Variants in UPF2 observed in about 807,000 individuals in gnomAD.
The protein encoded by UPF2 is UPF2 regulator of nonsense mediated mRNA decay.
A neutral mutation model predicts 141.4 loss-of-function variants in UPF2; 17 were observed. The observed-to-expected ratio is 0.12, with a 90% CI of 0.08 to 0.18. The LOEUF (loss-of-function observed/expected upper bound fraction) is 0.18, where lower values mean the gene tolerates loss of function less well. UPF2 is among the 10% of genes least tolerant of loss of function. UPF2 has a pLI of 1.00. For missense variants in UPF2, 1,152 were observed against 1,515.9 expected (o/e 0.76, Z 3.99); for synonymous variants, 540 against 498.0 (o/e 1.08, Z -1.12).
At chr10:11,993,936 CT>C (rs1833824176) in intron 8 of UPF2, among the ~76,000 whole-genome samples, 1 of 152,054 alleles carries the variant, frequency 6.6e-6, no homozygotes. Context: ...CTGCAGTGAG[CT>C]GTAATCTCAC....
Position 11,940,501 on chromosome 10 carries a change from G to A in UPF2, c.3378+2164C>T, listed in dbSNP as rs940384528. ...ACATTTCCACTTGGACACCTCAAAG[G>A]CTTCTCAAGTGGACACGGCCAAAGG... On this transcript the variant is annotated intron_variant, in intron 18 of 21. Coordinates refer to ENST00000357604, the MANE Select transcript of UPF2 (RefSeq NM_015542.4). This position sits in a 1 kb window ranked among gnomAD's most constrained non-coding sequence, Gnocchi z 4.2. Among the ~76,000 whole-genome samples the A allele has an allele frequency of 2.6e-5, 4 of 152,004 alleles. No individual in the cohort carries two copies. Among genetic ancestry groups the A allele is most frequent in the Non-Finnish European group, 5.9e-5 (4 of 67,994 alleles).
chr10:11,948,325 CTT>C, intron 16 of UPF2, 42 bp downstream of exon 16: 1 of 1,502,658 alleles, frequency 6.7e-7, no homozygotes. Context: ...TCAAAATACT[CTT>C]ATACAAATGT....
At position 11,955,549 on chromosome 10, in the gene UPF2, A is replaced by G. The variant is rs776220730; in HGVS notation, c.2575-42T>C. 1.6e-5 allele frequency: 25 copies of G among 1,552,592 alleles called. No individual in the cohort carries two copies. The Admixed American group carries it at 4.9e-4, about 30-fold the overall frequency. ...CCACAGATTTTCATTAAAGAGGAGT[A>G]GTGTATATGAAAACAGGTTAAACTT... On this transcript the variant is annotated intron_variant, in intron 13 of 21. Coordinates refer to ENST00000357604, the MANE Select transcript of UPF2 (RefSeq NM_015542.4).
At chr10:11,974,323 A>G (rs1273318107) in intron 9 of UPF2, among the ~76,000 whole-genome samples, 1 of 152,192 alleles carries the variant, frequency 6.6e-6, no homozygotes, top group Non-Finnish European at 1.5e-5. Flanking sequence ...TCATCTGCAA[A>G]CAGGGACAAT....
intron 8 of UPF2, among the ~76,000 whole-genome samples, chr10:11,996,353 CT>C (rs11339849): frequency 0.86 from 122,790 of 142,110 alleles, 52,915 homozygotes; most frequent in East Asian, 0.99. Flanking sequence ...TTCATTCAAC[CT>C]TTTTTTTTTT....
intron 16 of UPF2, among the ~76,000 whole-genome samples, chr10:11,947,786 C>CAAAAAAAA (rs58897556): frequency 1.5e-3 from 99 of 65,600 alleles, no homozygotes; most frequent in African/African-American, 5.4e-3. Context: ...AACCTTGTCT[C>CAAAAAAAA]AAAAAAAAAA....
At position 11,955,477 on chromosome 10, in the gene UPF2, T is replaced by A; in HGVS notation, c.2605A>T (p.Ile869Phe). 5 of 1,613,196 alleles carry A rather than the reference T, an allele frequency of 3.1e-6. No individual in the cohort carries two copies. The highest frequency in any genetic ancestry group is 4.2e-6 in the Non-Finnish European group (5 of 1,179,700). ...VNQPKFNQRR[I>F]SSAKFLGELY... ...TCTCCTAAGAACTTGGCACTGCTGA[T>A]GCGCCTCTGATTAAATTTAGGTTGA... The change falls in exon 14 of 22, where the codon ATC becomes TTC. Residue 869 changes from isoleucine (I) to phenylalanine (F), a missense_variant. Coordinates refer to ENST00000357604, the MANE Select transcript of UPF2 (RefSeq NM_015542.4).
chr10:11,993,348 T>A (rs1833812737), intron 8 of UPF2, among the ~76,000 whole-genome samples: 1 of 152,048 alleles, frequency 6.6e-6, no homozygotes, highest in South Asian at 2.1e-4. Flanking sequence ...TCCTAGTAGC[T>A]ATTAGGAGAA....
chr10:11,948,993 A>C (rs952778777), intron 15 of UPF2, among the ~76,000 whole-genome samples: 1 of 152,200 alleles, frequency 6.6e-6, no homozygotes, highest in Non-Finnish European at 1.5e-5. Context: ...TATGCAAATT[A>C]AGACGGGGGA....
At chr10:11,986,988 A>G (rs1833702782) in intron 8 of UPF2, among the ~76,000 whole-genome samples, 1 of 152,248 alleles carries the variant, frequency 6.6e-6, no homozygotes, top group Non-Finnish European at 1.5e-5. Flanking sequence ...GAATCTAAAG[A>G]GCCAACACTT....
At chr10:11,950,956 A>G (rs1423465244) in intron 15 of UPF2, among the ~76,000 whole-genome samples, 1 of 152,258 alleles carries the variant, frequency 6.6e-6, no homozygotes, top group Non-Finnish European at 1.5e-5. Context: ...TATAATTTGC[A>G]TAACTGGCGA....
intron 2 of UPF2, among the ~76,000 whole-genome samples, chr10:12,030,986 A>G (rs1834510838): frequency 6.6e-6 from 1 of 151,876 alleles, no homozygotes; most frequent in African/African-American, 2.4e-5. Context: ...CATCTTGGCT[A>G]ACACAGTGAA....
rs1832646696 is a variant in UPF2, at chr10:11,921,678, G to A, written c.3810-371C>T. Among the ~76,000 whole-genome samples, 1 of 152,082 alleles carries A rather than the reference G, an allele frequency of 6.6e-6. No homozygotes were observed. The highest frequency in any genetic ancestry group is 6.6e-5 in the Admixed American group (1 of 15,252). Reference sequence around the variant, plus strand: ...GTCTGTGCATTTTGGTGTCTGAGGGGATCCAGGAAGCAACCCCCTGTGGAT... The same window carrying A: ...GTCTGTGCATTTTGGTGTCTGAGGGAATCCAGGAAGCAACCCCCTGTGGAT... On this transcript the variant is annotated intron_variant, in intron 21 of 21. Coordinates refer to ENST00000357604, the MANE Select transcript of UPF2 (RefSeq NM_015542.4). The surrounding 1 kb of genome is among the most constrained non-coding windows in gnomAD (Gnocchi z 5.9).
intron 16 of UPF2, 60 bp from the exon 17 acceptor site, chr10:11,943,228 T>C (rs1027086438): frequency 7.5e-7 from 1 of 1,328,430 alleles, no homozygotes; most frequent in Non-Finnish European, 1.1e-6. Context: ...ATATTTTACA[T>C]GCCTTAAAAA....
rs1006215832 is a variant in UPF2, at chr10:11,939,086, G to C, written c.3379-2374C>G. 6.6e-6 allele frequency among the ~76,000 whole-genome samples: 1 copy of C among 151,618 alleles called. No homozygotes were observed. The highest frequency in any genetic ancestry group is 2.4e-5 in the African/African-American group (1 of 41,230). Reference sequence around the variant, plus strand: ...GGGGTTTCACCGTGTTAGCTAGGAGGGTCTCGATCTCCTGACCTCGTGATC... The same window carrying C: ...GGGGTTTCACCGTGTTAGCTAGGAGCGTCTCGATCTCCTGACCTCGTGATC... On this transcript the variant is annotated intron_variant, in intron 18 of 21. Coordinates refer to ENST00000357604, the MANE Select transcript of UPF2 (RefSeq NM_015542.4). The surrounding 1 kb of genome is among the most constrained non-coding windows in gnomAD (Gnocchi z 4.8).
rs1471952962 is a variant in UPF2, at chr10:11,953,787, G to A, written c.2850+1445C>T. Among the ~76,000 whole-genome samples the A allele has an allele frequency of 2.0e-5, 3 of 152,162 alleles. No individual in the cohort carries two copies. In the East Asian group the frequency reaches 5.8e-4, roughly 29 times the overall value. ...TCCCCACTTTTTGCTCATCAATTCA[G>A]AAAGTAAGGGAGTAATAGGTTTCCC... On this transcript the variant is annotated intron_variant, in intron 14 of 21. Coordinates refer to ENST00000357604, the MANE Select transcript of UPF2 (RefSeq NM_015542.4). The surrounding 1 kb of genome is among the most constrained non-coding windows in gnomAD (Gnocchi z 5.0).
intron 4 of UPF2, among the ~76,000 whole-genome samples, chr10:12,010,281 C>A (rs1472521030): frequency 1.3e-5 from 2 of 152,116 alleles, no homozygotes; most frequent in Admixed American, 1.3e-4. Flanking sequence ...CAAAGGAGGT[C>A]AAGCAACTGC....
chr10:11,955,177 TAA>T (rs112262931), intron 14 of UPF2, 53 bp downstream of exon 14: 2 of 1,478,424 alleles, frequency 1.4e-6, no homozygotes, highest in African/African-American at 1.4e-5. Flanking sequence ...AGTATTCTTT[TAA>T]AACACATGCA....
chr10:11,981,624 C>T (rs190307668), intron 8 of UPF2, among the ~76,000 whole-genome samples: 14 of 152,312 alleles, frequency 9.2e-5, no homozygotes, highest in Middle Eastern at 3.4e-3. Context: ...GGAAAATGCA[C>T]ATAAGTAGGT....
Sources: allele counts gnomAD v4.1 joint callset (sites outside exome capture counted in the v4.1 genomes callset), GRCh38; gene constraint gnomAD v4.1.1; non-coding constraint Gnocchi (gnomAD v3.1); transcripts MANE v1.5; gene names NCBI Gene and HGNC (gene_info 2026-07-23, HGNC 2026-07-21).